RPL31: variants seen among roughly 807,000 people sequenced by gnomAD.
RPL31 encodes the protein ribosomal protein L31.
For missense variants in RPL31, 95 were observed against 164.0 expected, an observed-to-expected ratio of 0.58 and a Z score of 2.30; for synonymous variants, 51 against 55.0, an observed-to-expected ratio of 0.93 and a Z score of 0.32.
chr2:101,008,323 C>A, downstream of RPL31: 2 of 1,391,700 alleles, frequency 1.4e-6, no homozygotes, highest in Non-Finnish European at 1.9e-6. Flanking sequence ...GTGGAAGTGT[C>A]ATTTTTTTTT....
chr2:101,002,653 C>A, intron 1 of RPL31, 49 bp from the exon 2 acceptor site: 1 of 1,481,270 alleles, frequency 6.8e-7, no homozygotes, highest in Non-Finnish European at 9.4e-7. Flanking sequence ...GAGGACTTGG[C>A]TTGAGCTTGT....
chr2:101,011,443 G>T (rs1457085205), downstream of RPL31: 1 of 1,613,604 alleles, frequency 6.2e-7, no homozygotes, highest in Non-Finnish European at 8.5e-7. Flanking sequence ...ATGAAAAGAG[G>T]TACGTGCCAT....
At chr2:101,006,325 A>C (rs761350259) in intron 4 of RPL31, 25 bp from the exon 5 acceptor site, 11 of 1,606,966 alleles carry the variant, frequency 6.8e-6, no homozygotes, top group Non-Finnish European at 1.7e-6. Context: ...GTGGGTATGG[A>C]AATTGACTGT....
At chr2:101,003,034 C>T (rs935563338) in intron 2 of RPL31, among the ~76,000 whole-genome samples, 3 of 152,184 alleles carry the variant, frequency 2.0e-5, no homozygotes, top group Admixed American at 2.0e-4. Context: ...TAGCCGAATG[C>T]GGACAGCAGC....
In RPL31 at chr2:101,004,198, C is replaced by T; in HGVS notation, c.148C>T (p.Arg50Trp). ...TGCACCTCGGGCACTCAAAGAGATT[C>T]GGAAATTTGCCATGAAGGAGATGGG... Reference protein sequence around the residue: ...KRAPRALKEIRKFAMKEMGTP... With the variant: ...KRAPRALKEIWKFAMKEMGTP... Residue 50 changes from arginine (R) to tryptophan (W), a missense_variant, in exon 3 of 5, where the codon CGG becomes TGG. By Grantham distance (101) the Arg-to-Trp change is moderately radical (BLOSUM62 -3). Transcript: ENST00000264258. 6.2e-7 allele frequency: 1 copy of T among 1,613,966 alleles called. No individual in the cohort carries two copies. Among genetic ancestry groups the T allele is most frequent in the Non-Finnish European group, 8.5e-7 (1 of 1,179,920 alleles).
At chr2:101,002,554 G>A (rs1049714924) in intron 1 of RPL31, 148 bp from the exon 2 acceptor site, 1 of 658,682 alleles carries the variant, frequency 1.5e-6, no homozygotes, top group Non-Finnish European at 2.7e-6. Flanking sequence ...CAGGGGCGCG[G>A]GTGCGTGGGC....
intron 2 of RPL31, 30 bp from the exon 3 acceptor site, chr2:101,004,128 T>C: frequency 6.2e-7 from 1 of 1,607,660 alleles, no homozygotes; most frequent in Non-Finnish European, 8.5e-7. Context: ...TTGTGCTCCT[T>C]TAATTTGTTC....
chr2:101,013,568 T>G (rs1679393866), intron 4 of RPL31, among the ~76,000 whole-genome samples: 1 of 152,256 alleles, frequency 6.6e-6, no homozygotes, highest in African/African-American at 2.4e-5. Context: ...GACTTCTGTT[T>G]GAAGGTAGTA....
chr2:101,016,025 T>C (rs1367208878), intron 4 of RPL31, among the ~76,000 whole-genome samples: 6 of 151,870 alleles, frequency 4.0e-5, no homozygotes, highest in Admixed American at 3.9e-4. Context: ...AAGGACTTCA[T>C]GTCTAAAACA....
intron 4 of RPL31, chr2:101,017,986 C>A: frequency 6.7e-7 from 1 of 1,493,008 alleles, no homozygotes; most frequent in Non-Finnish European, 9.1e-7. Context: ...TCGAACGGTT[C>A]CAATGCTCGC....
At chr2:101,018,891 T>C (rs1196188328) in intron 4 of RPL31, 14 of 1,442,330 alleles carry the variant, frequency 9.7e-6, no homozygotes, top group African/African-American at 2.8e-5. Flanking sequence ...TATCCGTAGG[T>C]TTATCAATCT....
At chr2:101,013,989 T>C (rs1304518170) in intron 4 of RPL31, among the ~76,000 whole-genome samples, 2 of 152,242 alleles carry the variant, frequency 1.3e-5, no homozygotes, top group Non-Finnish European at 2.9e-5. Flanking sequence ...AGCCAAGTCA[T>C]TGATAGGAAA....
At chr2:101,014,483 C>T (rs1420397373) in intron 4 of RPL31, among the ~76,000 whole-genome samples, 3 of 152,154 alleles carry the variant, frequency 2.0e-5, no homozygotes, top group African/African-American at 4.8e-5. Flanking sequence ...TTCATCAACA[C>T]ATCATCCCTT....
chr2:101,010,751 A>G (rs1679140822), downstream of RPL31, among the ~76,000 whole-genome samples: 4 of 152,108 alleles, frequency 2.6e-5, no homozygotes, highest in South Asian at 8.3e-4. Flanking sequence ...ACGTGGTTGC[A>G]CACGCCTGTA....
rs563470186 is a variant in RPL31 at position 101,002,590 on chromosome 2, C to G, written c.1-112C>G. On this transcript the variant is annotated intron_variant, in intron 1 of 4. Transcript: ENST00000264258. ...CACTGGGTGACCGACTTAGCCTGGC[C>G]AGACTCTCAGCACCTGGAAGCGCCC... is the stretch of plus-strand genomic sequence containing the variant. 3.2e-5 allele frequency: 29 copies of G among 892,944 alleles called. 1 individual carries two copies. Among genetic ancestry groups the G allele is most frequent in the Admixed American group, 3.1e-4 (15 of 48,076 alleles). The allele number at this position is 892,944 out of a possible 1,614,324, so 55.3% of individuals were successfully genotyped here.
downstream of RPL31, chr2:101,008,017 G>A (rs376670111): frequency 4.8e-5 from 78 of 1,613,810 alleles, no homozygotes; most frequent in South Asian, 2.0e-4. Flanking sequence ...CCTTTCTGCC[G>A]CCTCTGGAAA....
chr2:101,006,180 T>G, intron 4 of RPL31, 109 bp downstream of exon 4: 1 of 1,514,098 alleles, frequency 6.6e-7, no homozygotes, highest in Non-Finnish European at 8.8e-7. Flanking sequence ...CATTGTACCC[T>G]TTTTAAATTG....
At chr2:101,007,821 C>G, downstream of RPL31, 1 of 1,613,088 alleles carries the variant, frequency 6.2e-7, no homozygotes, top group Non-Finnish European at 8.5e-7. Context: ...TGCTGTCTTG[C>G]TACAAGTTAC....
chr2:101,013,443 T>C (rs922401380), intron 4 of RPL31, among the ~76,000 whole-genome samples: 6 of 152,250 alleles, frequency 3.9e-5, no homozygotes. Context: ...TTCAAGCGTC[T>C]AAATGGATTG....
Sources: gnomAD v4.1 joint callset for allele counts (sites outside exome capture counted in the v4.1 genomes callset) on GRCh38, gnomAD v4.1.1 for gene constraint, MANE v1.5 for transcripts, NCBI Gene and HGNC (gene_info 2026-07-23, HGNC 2026-07-21) for gene names.